The following NRXN1 variants were observed in gnomAD, a reference collection of about 807,000 sequenced individuals.
NRXN1 encodes neurexin 1, also known as neurexin-1.
Under a neutral mutation model 150.9 loss-of-function variants are expected in NRXN1, and 39 were observed. That is an observed-to-expected ratio of 0.26 (90% CI 0.20 to 0.34). NRXN1 has a LOEUF of 0.34. Ranked by LOEUF, NRXN1 falls within the 10% of genes least tolerant of loss-of-function variation. The probability of loss-of-function intolerance (pLI) is 1.00; values close to 1 mark genes in which losing one functional copy is unlikely to be tolerated. For missense variants in NRXN1, 1,815 were observed against 1,949.9 expected, an observed-to-expected ratio of 0.93 and a Z score of 1.30; for synonymous variants, 924 against 757.0, an observed-to-expected ratio of 1.22 and a Z score of -3.62.
chr2:50,274,293 G>A (rs978554813), intron 17 of NRXN1, among the ~76,000 whole-genome samples: 3 of 152,018 alleles, frequency 2.0e-5, no homozygotes, highest in Non-Finnish European at 4.4e-5. Context: ...AACTAACACA[G>A]GAACAGGAAA....
At chr2:50,495,783 T>G in intron 15 of NRXN1, 122 bp downstream of exon 15, 1 of 729,812 alleles carries the variant, frequency 1.4e-6, no homozygotes. Flanking sequence ...AATTATGTGC[T>G]GAAAATGAAA....
chr2:50,445,135 G>T (rs574406758), intron 17 of NRXN1, among the ~76,000 whole-genome samples: 1 of 152,178 alleles, frequency 6.6e-6, no homozygotes, highest in South Asian at 2.1e-4. Flanking sequence ...TTCCATAAAA[G>T]GGTTTATTCA....
At chr2:50,862,801 G>T (rs961925324) in intron 5 of NRXN1, among the ~76,000 whole-genome samples, 4 of 152,052 alleles carry the variant, frequency 2.6e-5, no homozygotes, top group Non-Finnish European at 2.9e-5. Context: ...ATTAGAAATG[G>T]AAATGTGCCT....
At chr2:50,016,166 G>A (rs895958828) in intron 21 of NRXN1, among the ~76,000 whole-genome samples, 10 of 152,046 alleles carry the variant, frequency 6.6e-5, no homozygotes, top group Non-Finnish European at 1.5e-4. Context: ...CAACTAGGTA[G>A]GTAAAGTCCT....
At chr2:49,985,228 G>C (rs1405688874) in intron 21 of NRXN1, among the ~76,000 whole-genome samples, 1 of 152,066 alleles carries the variant, frequency 6.6e-6, no homozygotes, top group Non-Finnish European at 1.5e-5. Context: ...TCAATAAATA[G>C]CAGAAATCCT....
chr2:50,370,395 T>C (rs1159676096), intron 17 of NRXN1, among the ~76,000 whole-genome samples: 1 of 152,036 alleles, frequency 6.6e-6, no homozygotes, highest in Non-Finnish European at 1.5e-5. Flanking sequence ...GCAACACCGA[T>C]GCTCACAAAT....
At chr2:50,224,698 AGAGAGAGAGAG>A (rs2064200393) in intron 18 of NRXN1, among the ~76,000 whole-genome samples, 1 of 60,552 alleles carries the variant, frequency 1.7e-5, no homozygotes, top group African/African-American at 6.2e-5. Context: ...GGAGAAAGAG[AGAGAGAGAGAG>A]AGAGAGAGAG....
At chr2:50,198,262 AC>A (rs372899399) in intron 18 of NRXN1, among the ~76,000 whole-genome samples, 252 of 152,270 alleles carry the variant, frequency 1.7e-3, no homozygotes, top group African/African-American at 5.2e-3. Flanking sequence ...AAAGAAAAAA[AC>A]ATTTAGATAA....
chr2:50,420,351 CT>C lies in NRXN1; in HGVS notation c.3364+45090del, dbSNP rs367675334. 1.3e-3 allele frequency among the ~76,000 whole-genome samples: 197 copies of C among 151,904 alleles called. 11 individuals carry two copies. The South Asian group carries it at 0.039, about 30-fold the overall frequency. ...CATTAAATAGGCCCACAGACTACCC[CT>C]GGTTTTGCAAATAAAGTTCTATTGT... is the stretch of plus-strand genomic sequence containing the variant. On this transcript the variant is annotated intron_variant, in intron 17 of 22. Transcript: ENST00000401669.
chr2:50,725,644 C>A (rs963095958), intron 5 of NRXN1, among the ~76,000 whole-genome samples: 1 of 152,062 alleles, frequency 6.6e-6, no homozygotes, highest in Non-Finnish European at 1.5e-5. Context: ...ATAGAAAATG[C>A]CCTTCTTACA....
At chr2:50,304,848 T>C (rs1575010439) in intron 17 of NRXN1, among the ~76,000 whole-genome samples, 1 of 152,034 alleles carries the variant, frequency 6.6e-6, no homozygotes, top group East Asian at 1.9e-4. Context: ...TCCCAGCACT[T>C]TGAGAGGCCA....
intron 18 of NRXN1, among the ~76,000 whole-genome samples, chr2:50,186,520 C>T (rs1293737891): frequency 6.6e-6 from 1 of 152,088 alleles, no homozygotes; most frequent in Admixed American, 6.6e-5. Context: ...GTGTATTACT[C>T]AGCCCTGGCA....
At chr2:50,381,562 C>A (rs1440915259) in intron 17 of NRXN1, among the ~76,000 whole-genome samples, 1 of 149,068 alleles carries the variant, frequency 6.7e-6, no homozygotes, top group Non-Finnish European at 1.5e-5. Flanking sequence ...CACACACACA[C>A]ACACACACAC....
chr2:50,637,717 G>T (rs1683438913), intron 5 of NRXN1, among the ~76,000 whole-genome samples: 1 of 152,118 alleles, frequency 6.6e-6, no homozygotes, highest in African/African-American at 2.4e-5. Context: ...CTCTACTTGT[G>T]TTAGAAGCCA....
At chr2:50,446,959 C>T (rs751663078) in intron 17 of NRXN1, among the ~76,000 whole-genome samples, 16 of 151,956 alleles carry the variant, frequency 1.1e-4, no homozygotes, top group Non-Finnish European at 2.4e-4. Context: ...ATTATAATAC[C>T]ATGCAATTCA....
intron 17 of NRXN1, among the ~76,000 whole-genome samples, chr2:50,457,337 A>C (rs994837464): frequency 6.6e-6 from 1 of 152,170 alleles, no homozygotes; most frequent in Non-Finnish European, 1.5e-5. Context: ...GGAATTTTGC[A>C]GCTAGGGAAT....
chr2:50,704,522 T>C (rs1180713880), intron 5 of NRXN1, among the ~76,000 whole-genome samples: 3 of 151,882 alleles, frequency 2.0e-5, no homozygotes, highest in South Asian at 2.1e-4. Context: ...GAAAATTGAA[T>C]TGATAAATAA....
chr2:50,504,718 T>C (rs2092132473), intron 13 of NRXN1, among the ~76,000 whole-genome samples: 1 of 152,198 alleles, frequency 6.6e-6, no homozygotes. Context: ...CCACTTACTC[T>C]TCAGTTTAAG....
chr2:50,673,913 C>T (rs1001853518), intron 5 of NRXN1, among the ~76,000 whole-genome samples: 3 of 151,856 alleles, frequency 2.0e-5, no homozygotes, highest in Non-Finnish European at 4.4e-5. Flanking sequence ...AAGCTGGAAA[C>T]CATCATTCTC....
Sources: allele counts gnomAD v4.1 joint callset (sites outside exome capture counted in the v4.1 genomes callset), GRCh38; gene constraint gnomAD v4.1.1; transcripts MANE v1.5; gene names NCBI Gene and HGNC (gene_info 2026-07-23, HGNC 2026-07-21).